POMT2: variants seen among roughly 807,000 people sequenced by gnomAD.
POMT2 encodes protein O-mannosyl-transferase 2.
A neutral mutation model predicts 100.0 loss-of-function variants in POMT2; 75 were observed. The observed-to-expected ratio is 0.75, with a 90% confidence interval of 0.62 to 0.91. POMT2 has a LOEUF of 0.91. POMT2 is among the 40% of genes least tolerant of loss of function. POMT2 has a pLI of 0.00. For missense variants in POMT2, 940 were observed against 955.1 expected (o/e 0.98, Z 0.21); for synonymous variants, 378 against 374.1 (o/e 1.01, Z -0.12).
chr14:77,285,761 T>C (rs1317832175), intron 12 of POMT2, 129 bp from the exon 13 acceptor site: 5 of 1,085,454 alleles, frequency 4.6e-6, no homozygotes, highest in African/African-American at 3.1e-5. Context: ...GGCTCAATGA[T>C]AGAGATGGGC....
chr14:77,279,248 G>A (rs1386772558), intron 18 of POMT2: 1 of 382,564 alleles, frequency 2.6e-6, no homozygotes, highest in East Asian at 6.6e-5. Context: ...AGGATGGAGT[G>A]AGGAGGTGTC....
chr14:77,280,303 C>T (rs543391581), intron 16 of POMT2, 89 bp downstream of exon 16: 74 of 1,594,380 alleles, frequency 4.6e-5, no homozygotes, highest in East Asian at 9.0e-5. Flanking sequence ...CGCCCTGCCG[C>T]CCTAGTACAC....
rs372499983 is a variant in POMT2 at position 77,298,721 on chromosome 14, C to A, written c.974G>T (p.Gly325Val). The change falls in exon 8 of 21, where the codon GGG becomes GTG. Residue 325 changes from glycine to valine, a missense_variant. Transcript: ENST00000261534. ...GATGGAAGCATTGTGCAGGTTGTTC[C>A]CTGAAAGCCGGGCCTGGAAGGCAGA... ...FSSAFQARLS[G>V]NNLHNASIPE... is the part of the protein sequence containing the mutation. 4 of 1,613,756 alleles carry A rather than the reference C, an allele frequency of 2.5e-6. No individual in the cohort carries two copies. Among genetic ancestry groups the A allele is most frequent in the Non-Finnish European group, 3.4e-6 (4 of 1,179,866 alleles).
In POMT2 at chr14:77,275,064, G is replaced by A. The variant is rs1021895421; in HGVS notation, c.*2312C>T. ...CTGGCTGGAGGTTGAATTGGCTGAC[G>A]AACATCTTCTTCCTCCACCAGCAGT... On this transcript the variant is annotated 3_prime_UTR_variant, in exon 21 of 21. Coordinates refer to ENST00000261534, the MANE Select transcript of POMT2 (RefSeq NM_013382.7). The A allele has an allele frequency of 5.9e-5, 9 of 151,938 alleles. No individual in the cohort carries two copies. The highest frequency in any genetic ancestry group is 3.9e-4 in the Admixed American group (6 of 15,248). The allele number at this position is 151,938 out of a possible 1,614,324, so 9.4% of individuals were successfully genotyped here.
rs60771363 is a variant in POMT2 at position 77,316,566 on chromosome 14, T to TAA, written c.248+3866_248+3867dup. On this transcript the variant is annotated intron_variant, in intron 1 of 20. Coordinates refer to ENST00000261534, the MANE Select transcript of POMT2 (RefSeq NM_013382.7). ...GGGCAACAGAGTCAGATCTCATCTCTAAAAAAAAAAAAAAAAAAAAAAAAG... is the reference window on the plus strand; with the variant it reads ...GGGCAACAGAGTCAGATCTCATCTCTAAAAAAAAAAAAAAAAAAAAAAAAAAG... 1.4e-3 allele frequency among the ~76,000 whole-genome samples: 107 copies of TAA among 77,516 alleles called. 1 individual carries two copies. The highest frequency in any genetic ancestry group is 2.4e-3 in the African/African-American group (44 of 18,684). 50.9% of individuals were successfully genotyped at this position (77,516 alleles called of 152,430 possible). A position where few individuals can be genotyped will look rare whatever the true frequency, so the allele number is the denominator to read the frequency against.
chr14:77,286,380 G>A (rs1462522738), intron 12 of POMT2, among the ~76,000 whole-genome samples: 2 of 152,200 alleles, frequency 1.3e-5, no homozygotes, highest in African/African-American at 4.8e-5. Context: ...GAGAATTTGG[G>A]ATCTGGCAAA....
chr14:77,294,283 T>C (rs557378823), intron 9 of POMT2, among the ~76,000 whole-genome samples: 12 of 152,312 alleles, frequency 7.9e-5, no homozygotes, highest in Middle Eastern at 3.4e-3. Flanking sequence ...TGGGAGATGA[T>C]TGAGTCACGA....
In POMT2 at chr14:77,320,693, T is replaced by G. The variant is rs1891860716; in HGVS notation, c.-12A>C. On this transcript the variant is annotated 5_prime_UTR_variant, in exon 1 of 21. Transcript: ENST00000261534. ...GTGGCCGGCGGCATCTTCCCCCTCC[T>G]CTGGGTCGCCCTCCGGCCCGGAGGC... The G allele has an allele frequency of 6.3e-7, 1 of 1,591,780 alleles. No individual in the cohort carries two copies. Among genetic ancestry groups the G allele is most frequent in the Non-Finnish European group, 8.5e-7 (1 of 1,177,504 alleles).
chr14:77,291,747 T>C (rs545932600), intron 9 of POMT2, among the ~76,000 whole-genome samples: 15 of 152,316 alleles, frequency 9.8e-5, no homozygotes, highest in African/African-American at 3.6e-4. Context: ...TTCAAAGTAA[T>C]TAAGGCCGGG....
intron 20 of POMT2, among the ~76,000 whole-genome samples, chr14:77,277,756 G>A (rs1269374167): frequency 6.6e-6 from 1 of 152,220 alleles, no homozygotes; most frequent in African/African-American, 2.4e-5. Context: ...TTGGCCAGGG[G>A]TGTTTGTCAA....
At chr14:77,302,253 G>A (rs867850473) in intron 5 of POMT2, among the ~76,000 whole-genome samples, 2 of 152,288 alleles carry the variant, frequency 1.3e-5, no homozygotes, top group Middle Eastern at 6.8e-3. Flanking sequence ...CAAGTAGACC[G>A]GACCCTCCAA....
intron 2 of POMT2, among the ~76,000 whole-genome samples, chr14:77,307,721 C>T (rs1891274245): frequency 6.6e-6 from 1 of 152,128 alleles, no homozygotes; most frequent in Non-Finnish European, 1.5e-5. Flanking sequence ...GTAATAAAAA[C>T]TTCCTCACAG....
At position 77,285,602 on chromosome 14, in the gene POMT2, G is replaced by A. The variant is rs398124261; in HGVS notation, c.1363C>T (p.Arg455Trp). 31 of 1,612,708 alleles carry A rather than the reference G, an allele frequency of 1.9e-5. No homozygotes were observed. Among genetic ancestry groups the A allele is most frequent in the African/African-American group, 4.0e-5 (3 of 74,786 alleles). The change falls in exon 13 of 21, where the codon CGG (arginine) becomes TGG (tryptophan). Residue 455 changes from arginine (R) to tryptophan (W), a missense_variant. Physicochemically the swap from Arg to Trp is moderately radical, Grantham distance 101. Coordinates refer to ENST00000261534, the MANE Select transcript of POMT2 (RefSeq NM_013382.7). ...NGTGDSNDFW[R>W]IEVVNRKFGN... Reference sequence around the variant, plus strand: ...AATTTCCTGTTTACGACCTCAATCCGCCAGAAATCATTTGAGTCCCCTGTT... The same window carrying A: ...AATTTCCTGTTTACGACCTCAATCCACCAGAAATCATTTGAGTCCCCTGTT...
chr14:77,281,463 C>T (rs1227787562), intron 15 of POMT2, among the ~76,000 whole-genome samples: 3 of 152,116 alleles, frequency 2.0e-5, no homozygotes, highest in East Asian at 3.9e-4. Context: ...CCAGACTCAG[C>T]CTCCCTAATC....
chr14:77,291,533 A>G (rs1378725162), intron 9 of POMT2, 153 bp from the exon 10 acceptor site: 11 of 1,014,824 alleles, frequency 1.1e-5, no homozygotes, highest in South Asian at 1.1e-4. Context: ...CATGTTTCCC[A>G]ATGGGGCTCA....
In POMT2 at chr14:77,304,760, T is replaced by G. The variant is rs370327528; in HGVS notation, c.479A>C (p.Tyr160Ser). The stretch of plus-strand genomic sequence containing the variant: ...CTTGGACAGATCCAGTACAGTGAGG[T>G]AGGCAAAGGGGACCAGCCAGGAGCC... ...FLGSWLVPFA[Y>S]LTVLDLSKSL... Residue 160 changes from tyrosine to serine, a missense_variant, in exon 4 of 21, where the codon TAC (tyrosine) becomes TCC (serine). By Grantham distance (144) the Tyr-to-Ser change is moderately radical. Coordinates refer to ENST00000261534, the MANE Select transcript of POMT2 (RefSeq NM_013382.7). The G allele has an allele frequency of 1.2e-6, 2 of 1,600,534 alleles. No individual in the cohort carries two copies. Among genetic ancestry groups the G allele is most frequent in the Non-Finnish European group, 1.7e-6 (2 of 1,174,412 alleles).
chr14:77,306,540 C>G, intron 2 of POMT2, 99 bp from the exon 3 acceptor site: 1 of 1,342,060 alleles, frequency 7.5e-7, no homozygotes, highest in South Asian at 1.2e-5. Flanking sequence ...ACTTTGGGTT[C>G]CCTTGACAAC....
At chr14:77,307,268 T>C (rs1393209838) in intron 2 of POMT2, among the ~76,000 whole-genome samples, 1 of 152,182 alleles carries the variant, frequency 6.6e-6, no homozygotes, top group Non-Finnish European at 1.5e-5. Flanking sequence ...GCAGGCTGTG[T>C]TGGGGGAGGG....
intron 18 of POMT2, chr14:77,279,540 C>A (rs1440157535): frequency 1.7e-6 from 1 of 573,722 alleles, no homozygotes; most frequent in South Asian, 1.5e-5. Flanking sequence ...CACTTACTAG[C>A]TGTATGTCCT....
Sources: gnomAD v4.1 joint callset for allele counts (sites outside exome capture counted in the v4.1 genomes callset) on GRCh38, gnomAD v4.1.1 for gene constraint, MANE v1.5 for transcripts, NCBI Gene and HGNC (gene_info 2026-07-23, HGNC 2026-07-21) for gene names.